The following PIP4P2 variants were observed in gnomAD, a reference collection of about 807,000 sequenced individuals.
PIP4P2 encodes the protein phosphatidylinositol-4,5-bisphosphate 4-phosphatase 2, also known as type 2 phosphatidylinositol 4,5-bisphosphate 4-phosphatase.
PIP4P2 carries 19 observed loss-of-function variants against 33.3 expected under a neutral mutation model. The ratio of observed to expected loss-of-function variants is 0.57; its 90% CI spans 0.40 to 0.84. The LOEUF is 0.84. Ranked by LOEUF, PIP4P2 falls within the 40% of genes least tolerant of loss-of-function variation. The probability of loss-of-function intolerance (pLI) is 0.00; values close to 1 mark genes in which losing one functional copy is unlikely to be tolerated. For missense variants in PIP4P2, 270 were observed against 324.7 expected (o/e 0.83, Z 1.29); for synonymous variants, 110 against 111.9 (o/e 0.98, Z 0.11).
chr8:91,025,254 A>C (rs1246873064), intron 1 of PIP4P2, among the ~76,000 whole-genome samples: 1 of 152,150 alleles, frequency 6.6e-6, no homozygotes, highest in Non-Finnish European at 1.5e-5. Flanking sequence ...TCAGAGAAAA[A>C]CGGACTCATA....
At chr8:91,003,002 T>C (rs573759948) in intron 5 of PIP4P2, among the ~76,000 whole-genome samples, 1 of 152,338 alleles carries the variant, frequency 6.6e-6, no homozygotes, top group South Asian at 2.1e-4. Flanking sequence ...TTTTGGATTT[T>C]AGGCAATGGG....
chr8:91,024,821 G>A (rs1303750899), intron 1 of PIP4P2, among the ~76,000 whole-genome samples: 1 of 151,968 alleles, frequency 6.6e-6, no homozygotes, highest in Non-Finnish European at 1.5e-5. Context: ...TGTTAGGCCA[G>A]TAGTCCTTAA....
intron 5 of PIP4P2, among the ~76,000 whole-genome samples, chr8:91,007,783 A>G (rs1187645188): frequency 6.6e-6 from 1 of 152,134 alleles, no homozygotes; most frequent in African/African-American, 2.4e-5. Context: ...GTGGCTTATT[A>G]TGTATAAATT....
chr8:91,012,199 T>A (rs1037130716), intron 4 of PIP4P2, among the ~76,000 whole-genome samples: 9 of 152,042 alleles, frequency 5.9e-5, no homozygotes, highest in Admixed American at 3.3e-4. Flanking sequence ...ATACTCATAT[T>A]ATGCATGACT....
chr8:91,004,977 T>A (rs891550515), intron 5 of PIP4P2, among the ~76,000 whole-genome samples: 1 of 152,190 alleles, frequency 6.6e-6, no homozygotes, highest in East Asian at 1.9e-4. Flanking sequence ...TCTATACATT[T>A]GTAAAGAACT....
At chr8:91,039,743 C>T (rs1244770506) in intron 1 of PIP4P2, among the ~76,000 whole-genome samples, 1 of 152,030 alleles carries the variant, frequency 6.6e-6, no homozygotes, top group Admixed American at 6.5e-5. Flanking sequence ...TTTCTTGTAA[C>T]GCCTGACTCC....
At chr8:91,021,142 C>A in intron 2 of PIP4P2, 114 bp downstream of exon 2, 1 of 1,215,434 alleles carries the variant, frequency 8.2e-7, no homozygotes, top group Non-Finnish European at 1.1e-6. Context: ...AAAAAGATTA[C>A]CATATTTGTA....
At chr8:91,033,351 G>C (rs1812196017) in intron 1 of PIP4P2, among the ~76,000 whole-genome samples, 1 of 152,068 alleles carries the variant, frequency 6.6e-6, no homozygotes, top group Non-Finnish European at 1.5e-5. Context: ...ATATAACCTT[G>C]TACCTACTTA....
At chr8:91,015,943 T>G (rs1364451883) in intron 4 of PIP4P2, among the ~76,000 whole-genome samples, 1 of 152,220 alleles carries the variant, frequency 6.6e-6, no homozygotes, top group African/African-American at 2.4e-5. Context: ...TGGACCAGTA[T>G]AAACATGCCA....
intron 3 of PIP4P2, among the ~76,000 whole-genome samples, chr8:91,019,583 A>G (rs1339439358): frequency 6.7e-6 from 1 of 149,478 alleles, no homozygotes. Flanking sequence ...AAAAAAAGAG[A>G]GAGACTAACA....
At chr8:91,012,961 T>G (rs1811858874) in intron 4 of PIP4P2, among the ~76,000 whole-genome samples, 1 of 152,178 alleles carries the variant, frequency 6.6e-6, no homozygotes, top group Non-Finnish European at 1.5e-5. Flanking sequence ...TTATAACAAC[T>G]GTCTTTTTGA....
intron 4 of PIP4P2, among the ~76,000 whole-genome samples, chr8:91,013,210 C>G (rs1811863465): frequency 6.6e-6 from 1 of 152,148 alleles, no homozygotes; most frequent in Non-Finnish European, 1.5e-5. Flanking sequence ...GCACCTAGCT[C>G]AGTGCCTGGT....
intron 4 of PIP4P2, among the ~76,000 whole-genome samples, chr8:91,010,798 C>A (rs1811825778): frequency 6.6e-6 from 1 of 151,484 alleles, no homozygotes. Context: ...AGAAAAAAAT[C>A]TTAATTATAT....
chr8:91,011,824 CA>C (rs1811841297), intron 4 of PIP4P2, among the ~76,000 whole-genome samples: 1 of 151,874 alleles, frequency 6.6e-6, no homozygotes, highest in Non-Finnish European at 1.5e-5. Flanking sequence ...GTATATTAAA[CA>C]ATGTTATTAT....
Position 90,996,625 on chromosome 8 carries a change from G to T in PIP4P2, c.630+29C>A. 3.2e-6 allele frequency: 5 copies of T among 1,572,984 alleles called. No homozygotes were observed. In the African/African-American group the frequency reaches 5.4e-5, roughly 17 times the overall value. On this transcript the variant is annotated intron_variant, in intron 6 of 6. Coordinates refer to ENST00000285419, the MANE Select transcript of PIP4P2 (RefSeq NM_018710.3). ...GACTACTGATAAAGTTGAGAGGACAGAATTCTAACATCAAAGTGTAACACT... is the reference window on the plus strand; with the variant it reads ...GACTACTGATAAAGTTGAGAGGACATAATTCTAACATCAAAGTGTAACACT...
intron 4 of PIP4P2, among the ~76,000 whole-genome samples, chr8:91,010,898 T>C (rs10956788): frequency 0.016 from 2,450 of 150,214 alleles, 61 homozygotes; most frequent in African/African-American, 0.057. Flanking sequence ...TTCTATAACA[T>C]GTAATGGATA....
At chr8:91,025,890 C>T (rs1812077365) in intron 1 of PIP4P2, among the ~76,000 whole-genome samples, 1 of 152,174 alleles carries the variant, frequency 6.6e-6, no homozygotes, top group African/African-American at 2.4e-5. Context: ...CAATACAGAG[C>T]AAACGAAGAC....
chr8:91,017,883 T>G (rs1811941259), intron 4 of PIP4P2, among the ~76,000 whole-genome samples: 1 of 152,222 alleles, frequency 6.6e-6, no homozygotes. Flanking sequence ...ATCAAATTAC[T>G]TATACTTTCT....
chr8:91,032,897 G>A (rs1406873628), intron 1 of PIP4P2, among the ~76,000 whole-genome samples: 1 of 151,892 alleles, frequency 6.6e-6, no homozygotes, highest in Admixed American at 6.6e-5. Context: ...TCACTTCCCA[G>A]ATAGCTGTTT....
Sources: gnomAD v4.1 joint callset for allele counts (sites outside exome capture counted in the v4.1 genomes callset) on GRCh38, gnomAD v4.1.1 for gene constraint, MANE v1.5 for transcripts, NCBI Gene and HGNC (gene_info 2026-07-23, HGNC 2026-07-21) for gene names.